The following TMEM178B variants were observed in gnomAD, a reference collection of about 807,000 sequenced individuals.
TMEM178B encodes the protein transmembrane protein 178B.
In TMEM178B, 5 loss-of-function variants were observed where a neutral mutation model predicts 31.0. The observed-to-expected ratio is 0.16, with a 90% CI of 0.08 to 0.34. The LOEUF (loss-of-function observed/expected upper bound fraction) is 0.34, where lower values mean the gene tolerates loss of function less well. Among genes scored for constraint, TMEM178B ranks in the 10% least tolerant of loss-of-function variants. TMEM178B has a pLI of 1.00. For missense variants in TMEM178B, 275 were observed against 400.3 expected, an observed-to-expected ratio of 0.69 and a Z score of 2.67; for synonymous variants, 164 against 164.0, an observed-to-expected ratio of 1.00 and a Z score of 0.00.
chr7:141,119,121 GT>G (rs1446361002), intron 1 of TMEM178B, among the ~76,000 whole-genome samples: 3 of 152,198 alleles, frequency 2.0e-5, no homozygotes, highest in Non-Finnish European at 4.4e-5. Flanking sequence ...CGTTGAGCAG[GT>G]TAGTGCTGGG....
At chr7:141,244,459 T>C (rs147473731) in intron 2 of TMEM178B, among the ~76,000 whole-genome samples, 29 of 152,308 alleles carry the variant, frequency 1.9e-4, no homozygotes, top group Admixed American at 1.9e-3. Flanking sequence ...GCTAAAATTT[T>C]GGTTATGGTG....
At chr7:141,135,827 C>T (rs139378260) in intron 1 of TMEM178B, among the ~76,000 whole-genome samples, 33 of 151,930 alleles carry the variant, frequency 2.2e-4, no homozygotes, top group East Asian at 1.4e-3. Flanking sequence ...AAACTAGAAA[C>T]GCAGGAATAA....
At chr7:141,302,647 C>A (rs776322015) in intron 2 of TMEM178B, among the ~76,000 whole-genome samples, 1 of 152,072 alleles carries the variant, frequency 6.6e-6, no homozygotes, top group East Asian at 1.9e-4. Context: ...GTTGAGATGG[C>A]AAATTTGCTG....
chr7:141,261,659 G>T (rs1256444568), intron 2 of TMEM178B, among the ~76,000 whole-genome samples: 1 of 152,116 alleles, frequency 6.6e-6, no homozygotes, highest in Admixed American at 6.6e-5. Context: ...CTCCGGCCCC[G>T]CTCCAGGTCC....
intron 2 of TMEM178B, among the ~76,000 whole-genome samples, chr7:141,391,654 T>G (rs1376243051): frequency 6.6e-6 from 1 of 152,174 alleles, no homozygotes; most frequent in Non-Finnish European, 1.5e-5. Context: ...CTTGCAAATC[T>G]GAAACTCTGT....
At chr7:141,178,760 A>G (rs1796472324) in intron 1 of TMEM178B, among the ~76,000 whole-genome samples, 3 of 152,154 alleles carry the variant, frequency 2.0e-5, no homozygotes, top group South Asian at 2.1e-4. Context: ...TACTTTGACA[A>G]CCACAGACAA....
At chr7:141,374,597 G>A (rs1197013667) in intron 2 of TMEM178B, among the ~76,000 whole-genome samples, 2 of 152,178 alleles carry the variant, frequency 1.3e-5, no homozygotes, top group Non-Finnish European at 2.9e-5. Flanking sequence ...CGCATACAGC[G>A]TCAGAGTCTC....
rs535580708 is a variant in TMEM178B, at chr7:141,125,679, C to G, written c.382+50987C>G. 1.3e-4 allele frequency among the ~76,000 whole-genome samples: 16 copies of G among 118,926 alleles called. No individual in the cohort carries two copies. The Admixed American group carries it at 1.5e-3, about 11-fold the overall frequency. The allele number at this position is 118,926 out of a possible 152,430, so 78.0% of individuals were successfully genotyped here. A position where few individuals can be genotyped will look rare whatever the true frequency, so the allele number is the denominator to read the frequency against. On this transcript the variant is annotated intron_variant, in intron 1 of 3. Coordinates refer to ENST00000565468, the MANE Select transcript of TMEM178B (RefSeq NM_001195278.2). ...TGGGTGACAGAGTGAGACTCCATCTCGAAAAAAAAAAAAAAAAAGAAAAAG... is the reference window on the plus strand; with the variant it reads ...TGGGTGACAGAGTGAGACTCCATCTGGAAAAAAAAAAAAAAAAAGAAAAAG...
intron 1 of TMEM178B, among the ~76,000 whole-genome samples, chr7:141,136,149 A>G (rs1483793039): frequency 6.6e-6 from 1 of 152,224 alleles, no homozygotes. Context: ...TATAGTAACC[A>G]AAACAACTTG....
At chr7:141,431,707 T>G (rs1284468965) in intron 2 of TMEM178B, among the ~76,000 whole-genome samples, 3 of 152,206 alleles carry the variant, frequency 2.0e-5, no homozygotes, top group Admixed American at 6.5e-5. Flanking sequence ...ATCATATTTT[T>G]CCAAGGCCTC....
At position 141,460,200 on chromosome 7, in the gene TMEM178B, C is replaced by T. The variant is rs746794315; in HGVS notation, c.635-10336C>T. ...TTACAAATTAATTTTCTTACAGTTC[C>T]GGAATCCAGAAGTCCAATCTCAAGG... is the stretch of plus-strand genomic sequence containing the variant. On this transcript the variant is annotated intron_variant, in intron 3 of 3. Transcript: ENST00000565468. 2.4e-4 allele frequency among the ~76,000 whole-genome samples: 37 copies of T among 152,322 alleles called. 1 individual carries two copies. Among genetic ancestry groups the T allele is most frequent in the Non-Finnish European group, 4.9e-4 (33 of 68,022 alleles).
Position 141,270,064 on chromosome 7 carries a change from C to T in TMEM178B, c.496+57360C>T, listed in dbSNP as rs551647354. On this transcript the variant is annotated intron_variant, in intron 2 of 3. Coordinates refer to ENST00000565468, the MANE Select transcript of TMEM178B (RefSeq NM_001195278.2). ...TGGGTGACAGAGTGAGACTCAGTCT[C>T]AAAAAAACAAACAAACAAAAAACTC... Among the ~76,000 whole-genome samples the T allele has an allele frequency of 4.0e-5, 6 of 151,464 alleles. No homozygotes were observed. In the East Asian group the frequency reaches 1.2e-3, roughly 29 times the overall value.
intron 2 of TMEM178B, among the ~76,000 whole-genome samples, chr7:141,247,455 C>A (rs1269543701): frequency 6.6e-6 from 1 of 152,170 alleles, no homozygotes; most frequent in Non-Finnish European, 1.5e-5. Context: ...ATGAGGGACC[C>A]TGAAATGGGC....
chr7:141,168,588 A>G (rs906203022), intron 1 of TMEM178B, among the ~76,000 whole-genome samples: 1 of 152,110 alleles, frequency 6.6e-6, no homozygotes, highest in Non-Finnish European at 1.5e-5. Context: ...CCTGGCCAAC[A>G]TGGTGAAATC....
At chr7:141,194,887 C>T (rs1337975276) in intron 1 of TMEM178B, among the ~76,000 whole-genome samples, 1 of 152,218 alleles carries the variant, frequency 6.6e-6, no homozygotes, top group Non-Finnish European at 1.5e-5. Context: ...GATGTCTGTG[C>T]ACCCACAGGC....
Position 141,091,914 on chromosome 7 carries a change from G to C in TMEM178B, c.382+17222G>C, listed in dbSNP as rs532493427. On this transcript the variant is annotated intron_variant, in intron 1 of 3. Coordinates refer to ENST00000565468, the MANE Select transcript of TMEM178B (RefSeq NM_001195278.2). ...GGCTAATTTTTGTATTTTTAGTAGA[G>C]ACAAGGTTTCACCATGTTGGCCAGA... is the stretch of plus-strand genomic sequence containing the variant. Among the ~76,000 whole-genome samples the C allele has an allele frequency of 9.2e-5, 14 of 152,194 alleles. No individual in the cohort carries two copies. The South Asian group carries it at 2.9e-3, about 32-fold the overall frequency.
rs544403545 is a variant in TMEM178B at position 141,083,625 on chromosome 7, A to G, written c.382+8933A>G. ...TTACCACTCTAAAAACATGTAATAA[A>G]AACGAACTTTTCCTCTTTCAAATGG... On this transcript the variant is annotated intron_variant, in intron 1 of 3. Coordinates refer to ENST00000565468, the MANE Select transcript of TMEM178B (RefSeq NM_001195278.2). Among the ~76,000 whole-genome samples, 16 of 152,322 alleles carry G rather than the reference A, an allele frequency of 1.1e-4. No individual in the cohort carries two copies. The South Asian group carries it at 1.5e-3, about 14-fold the overall frequency.
intron 2 of TMEM178B, among the ~76,000 whole-genome samples, chr7:141,434,770 C>T (rs10254539): frequency 6.6e-6 from 1 of 152,096 alleles, no homozygotes. Context: ...CTTTCTTCAT[C>T]CACACCCGTC....
At chr7:141,228,441 A>G (rs1238614904) in intron 2 of TMEM178B, among the ~76,000 whole-genome samples, 1 of 152,014 alleles carries the variant, frequency 6.6e-6, no homozygotes, top group African/African-American at 2.4e-5. Context: ...GGGGAAAAAA[A>G]TCAATGAGTA....
Sources: allele counts gnomAD v4.1 joint callset (sites outside exome capture counted in the v4.1 genomes callset), GRCh38; gene constraint gnomAD v4.1.1; transcripts MANE v1.5; gene names NCBI Gene and HGNC (gene_info 2026-07-23, HGNC 2026-07-21).